Variants in URB2 observed in about 807,000 individuals in gnomAD.
The protein encoded by URB2 is unhealthy ribosome biogenesis protein 2 homolog.
URB2 carries 86 observed loss-of-function variants against 120.9 expected under a neutral mutation model. The observed-to-expected ratio is 0.71, with a 90% CI of 0.60 to 0.85. The LOEUF (loss-of-function observed/expected upper bound fraction) is 0.85, where lower values mean the gene tolerates loss of function less well. URB2 is among the 40% of genes least tolerant of loss of function. The probability of loss-of-function intolerance (pLI) is 0.00; values close to 1 mark genes in which losing one functional copy is unlikely to be tolerated. For missense variants in URB2, 1,765 were observed against 1,836.5 expected, an observed-to-expected ratio of 0.96 and a Z score of 0.71; for synonymous variants, 755 against 758.4, an observed-to-expected ratio of 1.00 and a Z score of 0.07.
At chr1:229,657,673 A>G (rs1380196408) in intron 9 of URB2, among the ~76,000 whole-genome samples, 1 of 152,180 alleles carries the variant, frequency 6.6e-6, no homozygotes, top group Non-Finnish European at 1.5e-5. Flanking sequence ...TAAAATTCAC[A>G]GACACGCCAT....
chr1:229,639,874 C>T (rs775516336), intron 4 of URB2, among the ~76,000 whole-genome samples: 1 of 152,154 alleles, frequency 6.6e-6, no homozygotes, highest in Admixed American at 6.5e-5. Context: ...TGCACAGAGT[C>T]GACCTTTACA....
intron 6 of URB2, 52 bp downstream of exon 6, chr1:229,646,021 T>A (rs751802181): frequency 1.3e-6 from 2 of 1,560,154 alleles, no homozygotes; most frequent in African/African-American, 2.7e-5. Context: ...CCTCTTCCTG[T>A]AAAGACAGAA....
rs1250329755 is a variant in URB2 at position 229,659,877 on chromosome 1, A to C, written c.*580A>C. The C allele has an allele frequency of 6.6e-6, 1 of 152,238 alleles. No individual in the cohort carries two copies. Among genetic ancestry groups the C allele is most frequent in the Admixed American group, 6.5e-5 (1 of 15,284 alleles). The allele number at this position is 152,238 out of a possible 1,614,324, so 9.4% of individuals were successfully genotyped here. On this transcript the variant is annotated 3_prime_UTR_variant, in exon 10 of 10. Coordinates refer to ENST00000258243, the MANE Select transcript of URB2 (RefSeq NM_014777.4). ...CTCAGGCAGGTCGGTGACGTTTAGCACAGGTGCCAGGGCTCCTGCCTGCTC... is the reference window on the plus strand; with the variant it reads ...CTCAGGCAGGTCGGTGACGTTTAGCCCAGGTGCCAGGGCTCCTGCCTGCTC...
rs1317440991 is a variant in URB2, at chr1:229,628,128, CATATATAATAT to C, written c.126+386_126+396del. Among the ~76,000 whole-genome samples the C allele has an allele frequency of 7.1e-3, 854 of 119,466 alleles. 18 individuals are homozygous for C. The highest frequency in any genetic ancestry group is 0.028 in the African/African-American group (804 of 28,558). 78.4% of individuals were successfully genotyped at this position (119,466 alleles called of 152,430 possible). ...ATATATGTATATATATGTATATATACATATATAATATATATATAATATATATAGTATATGTA... is the reference window on the plus strand; with the variant it reads ...ATATATGTATATATATGTATATATACATATATAATATATATAGTATATGTA... On this transcript the variant is annotated intron_variant, in intron 2 of 9. Transcript: ENST00000258243.
At chr1:229,652,851 A>G (rs1415727467) in intron 8 of URB2, among the ~76,000 whole-genome samples, 1 of 152,286 alleles carries the variant, frequency 6.6e-6, no homozygotes, top group African/African-American at 2.4e-5. Context: ...GAGGAAGCAC[A>G]GGAGCACATC....
At position 229,626,283 on chromosome 1, in the gene URB2, C is replaced by CGCCGCT. The variant is rs971301197; in HGVS notation, c.-81_-76dup. On this transcript the variant is annotated 5_prime_UTR_variant, in exon 1 of 10. Coordinates refer to ENST00000258243, the MANE Select transcript of URB2 (RefSeq NM_014777.4). The stretch of plus-strand genomic sequence containing the variant: ...TCCGCCGCACCGGGACAGCAGCCGC[C>CGCCGCT]GCCGCTGCCGCCGTCCTCCCCTGTC... The CGCCGCT allele has an allele frequency of 1.3e-5, 2 of 153,744 alleles. No individual in the cohort carries two copies. The highest frequency in any genetic ancestry group is 2.4e-5 in the African/African-American group (1 of 41,488). The allele number at this position is 153,744 out of a possible 1,614,324, so 9.5% of individuals were successfully genotyped here.
In URB2 at chr1:229,637,161, G is replaced by C. The variant is rs773255042; in HGVS notation, c.2548G>C (p.Gly850Arg). Residue 850 changes from glycine (G) to arginine (R), a missense_variant, in exon 4 of 10, where the codon GGT becomes CGT. Physicochemically the swap from Gly to Arg is moderately radical, Grantham distance 125. Coordinates refer to ENST00000258243, the MANE Select transcript of URB2 (RefSeq NM_014777.4). ...TTTTGAAAAGGACCACATGGTTGTG[G>C]GTCATTGGGAAAACAGATTTGCAAA... The part of the protein sequence containing the change: ...WLFEKDHMVV[G>R]HWENRFAKAG... 1.2e-6 allele frequency: 2 copies of C among 1,613,800 alleles called. No individual in the cohort carries two copies. The highest frequency in any genetic ancestry group is 8.5e-7 in the Non-Finnish European group (1 of 1,179,798).
chr1:229,627,139 G>C (rs1411985608), intron 1 of URB2, among the ~76,000 whole-genome samples: 1 of 152,244 alleles, frequency 6.6e-6, no homozygotes, highest in African/African-American at 2.4e-5. Flanking sequence ...CTGAATAAAA[G>C]TGTTAGTGGA....
At chr1:229,628,174 TG>T (rs1665568151) in intron 2 of URB2, among the ~76,000 whole-genome samples, 1 of 142,856 alleles carries the variant, frequency 7.0e-6, no homozygotes, top group African/African-American at 2.6e-5. Context: ...ATAGTATATA[TG>T]TATATAATAT....
rs1390955773 is a variant in URB2, at chr1:229,634,919, C to T, written c.306C>T (p.Ile102=). The T allele has an allele frequency of 6.6e-7, 1 of 1,516,798 alleles. No individual in the cohort carries two copies. The highest frequency in any genetic ancestry group is 8.8e-7 in the Non-Finnish European group (1 of 1,132,016). 94.0% of individuals were successfully genotyped at this position (1,516,798 alleles called of 1,614,324 possible). ...TINLQISLVK[I]INERVAEFSL... The stretch of plus-strand genomic sequence containing the variant: ...TTTCTTTCTTTCTTAATGTTCAGAT[C>T]ATCAATGAGAGAGTAGCTGAGTTCT... Residue 102 remains isoleucine (I), a splice_region_variant and synonymous_variant, in exon 4 of 10, where the codon ATC becomes ATT. Coordinates refer to ENST00000258243, the MANE Select transcript of URB2 (RefSeq NM_014777.4).
intron 4 of URB2, among the ~76,000 whole-genome samples, chr1:229,639,640 C>G (rs1421577930): frequency 6.6e-6 from 1 of 152,150 alleles, no homozygotes; most frequent in Non-Finnish European, 1.5e-5. Flanking sequence ...CCAGCCAAAT[C>G]ACTTAATTTC....
At chr1:229,628,173 A>ATGTATATAATATATATAATATATATG (rs1457860993) in intron 2 of URB2, among the ~76,000 whole-genome samples, 49 of 144,292 alleles carry the variant, frequency 3.4e-4, no homozygotes, top group African/African-American at 1.2e-3. Context: ...TATAGTATAT[A>ATGTATATAATATATATAATATATATG]TGTATATAAT....
Position 229,651,216 on chromosome 1 carries a change from C to G in URB2, c.4150-19C>G. Reference sequence around the variant, plus strand: ...ATAATCACGTATGTACTTTTACATTCTGTTATCTGTCATTACAGGTAATGC... The same window carrying G: ...ATAATCACGTATGTACTTTTACATTGTGTTATCTGTCATTACAGGTAATGC... On this transcript the variant is annotated intron_variant, in intron 7 of 9. Transcript: ENST00000258243. 6.3e-7 allele frequency: 1 copy of G among 1,585,390 alleles called. No homozygotes were observed. Among genetic ancestry groups the G allele is most frequent in the Non-Finnish European group, 8.6e-7 (1 of 1,168,836 alleles).
rs116495095 is a variant in URB2, at chr1:229,632,380, A to G, written c.238A>G (p.Ser80Gly). 8 of 1,587,202 alleles carry G rather than the reference A, an allele frequency of 5.0e-6. No individual in the cohort carries two copies. The East Asian group carries it at 1.8e-4, about 36-fold the overall frequency. ...LWIYIDNILH[S>G]RKLQNLLKNG... ...GATCTATATAGATAACATTTTACAT[A>G]GCAGAAAATTGCAGAATCTCCTCAA... The change falls in exon 3 of 10, where the codon AGC becomes GGC. Residue 80 changes from serine to glycine, a missense_variant. Physicochemically the swap from Ser to Gly is moderately conservative, Grantham distance 56. Coordinates refer to ENST00000258243, the MANE Select transcript of URB2 (RefSeq NM_014777.4).
rs755958813 is a variant in URB2 at position 229,645,895 on chromosome 1, C to T, written c.3832C>T (p.Leu1278=). Residue 1278 remains leucine (L), a synonymous_variant, in exon 6 of 10, where the codon CTG becomes TTG. Coordinates refer to ENST00000258243, the MANE Select transcript of URB2 (RefSeq NM_014777.4). ...VSAVTLLRLL[L]NCPLSGEKAS... Reference sequence around the variant, plus strand: ...AGCTGTTACACTGCTGAGGCTGCTACTGAACTGCCCACTCAGTGGAGAGAA... The same window carrying T: ...AGCTGTTACACTGCTGAGGCTGCTATTGAACTGCCCACTCAGTGGAGAGAA... 1 of 1,614,198 alleles carries T rather than the reference C, an allele frequency of 6.2e-7. No individual in the cohort carries two copies. The highest frequency in any genetic ancestry group is 8.5e-7 in the Non-Finnish European group (1 of 1,180,026).
At chr1:229,648,893 C>G (rs1478238880) in intron 7 of URB2, among the ~76,000 whole-genome samples, 1 of 152,192 alleles carries the variant, frequency 6.6e-6, no homozygotes, top group Non-Finnish European at 1.5e-5. Context: ...CTTTCACAAA[C>G]CCAGATGGTA....
At chr1:229,648,148 A>C (rs1451756207) in intron 7 of URB2, among the ~76,000 whole-genome samples, 1 of 150,526 alleles carries the variant, frequency 6.6e-6, no homozygotes, top group Admixed American at 6.6e-5. Flanking sequence ...TGTTTCATGC[A>C]AAAAATTATT....
At chr1:229,648,592 A>G (rs1405476097) in intron 7 of URB2, among the ~76,000 whole-genome samples, 1 of 152,226 alleles carries the variant, frequency 6.6e-6, no homozygotes, top group Non-Finnish European at 1.5e-5. Flanking sequence ...TTCCACCCCT[A>G]TAGCAAGCCT....
Position 229,647,661 on chromosome 1 carries a change from T to G in URB2, c.4058T>G (p.Val1353Gly). 1 of 1,614,118 alleles carries G rather than the reference T, an allele frequency of 6.2e-7. No individual in the cohort carries two copies. The highest frequency in any genetic ancestry group is 8.5e-7 in the Non-Finnish European group (1 of 1,180,018). Residue 1353 changes from valine (V) to glycine (G), a missense_variant, in exon 7 of 10, where the codon GTC (valine) becomes GGC (glycine). Coordinates refer to ENST00000258243, the MANE Select transcript of URB2 (RefSeq NM_014777.4). ...CTGGCCTTCAGCATCCTTCTCACTG[T>G]CCCTTTGGACCATCTGAAGCCGCTG... Reference protein sequence around the residue: ...VSLAFSILLTVPLDHLKPLEY... With the variant: ...VSLAFSILLTGPLDHLKPLEY...
Sources: gnomAD v4.1 joint callset for allele counts (sites outside exome capture counted in the v4.1 genomes callset) on GRCh38, gnomAD v4.1.1 for gene constraint, MANE v1.5 for transcripts, NCBI Gene and HGNC (gene_info 2026-07-23, HGNC 2026-07-21) for gene names.